APOOL: variants seen among roughly 807,000 people sequenced by gnomAD.
APOOL encodes MICOS complex subunit MIC27.
A neutral mutation model predicts 23.1 loss-of-function variants in APOOL; 12 were observed. That is an observed-to-expected ratio of 0.52 (90% CI 0.33 to 0.84). The LOEUF (loss-of-function observed/expected upper bound fraction) is 0.84. Among genes scored for constraint, APOOL ranks in the 40% least tolerant of loss-of-function variants. APOOL has a pLI of 0.02. For missense variants in APOOL, 212 were observed against 199.6 expected, an observed-to-expected ratio of 1.06 and a Z score of -0.37; for synonymous variants, 77 against 69.9, an observed-to-expected ratio of 1.10 and a Z score of -0.51.
At chrX:85,057,595 G>C (rs28628831) in intron 5 of APOOL, among the ~76,000 whole-genome samples, 3 of 104,503 alleles carry the variant, frequency 2.9e-5, no homozygotes, top group African/African-American at 1.0e-4. Context: ...ATATATATAT[G>C]TCATCTGAAT....
intron 8 of APOOL, among the ~76,000 whole-genome samples, chrX:85,077,997 T>G (rs1277420742): frequency 1.8e-5 from 2 of 111,873 alleles, no homozygotes; most frequent in African/African-American, 6.5e-5. Flanking sequence ...TAACCCTTTG[T>G]CAGATGGGTA....
rs1287743575 is a variant in APOOL at position 85,087,631 on chromosome X, G to C, written c.760G>C (p.Gly254Arg). The C allele has an allele frequency of 1.7e-6, 2 of 1,199,353 alleles. No homozygotes were observed. Among genetic ancestry groups the C allele is most frequent in the Non-Finnish European group, 2.2e-6 (2 of 890,298 alleles). Residue 254 changes from glycine to arginine, a missense_variant, in exon 9 of 9, where the codon GGG becomes CGG. Coordinates refer to ENST00000373173, the MANE Select transcript of APOOL (RefSeq NM_198450.6). ...GCCTGACCCCAAGCTCATGGATCAC[G>C]GGCAGTCCCACCCAGAAGATATAGA... ...FMPDPKLMDH[G>R]QSHPEDIDMY...
intron 6 of APOOL, 105 bp downstream of exon 6, chrX:85,067,323 CAT>C (rs1450078798): frequency 1.7e-5 from 9 of 533,317 alleles, no homozygotes; most frequent in Admixed American, 1.1e-4. Flanking sequence ...TTTTAAGAGA[CAT>C]AGTTGGTATC....
intron 8 of APOOL, among the ~76,000 whole-genome samples, chrX:85,083,301 G>A (rs1000812878): frequency 2.3e-4 from 26 of 111,093 alleles, no homozygotes; most frequent in African/African-American, 7.5e-4. Context: ...CCTAAATATT[G>A]AAGTTAACTG....
intron 1 of APOOL, among the ~76,000 whole-genome samples, chrX:85,027,819 G>T (rs1315560653): frequency 8.9e-6 from 1 of 112,061 alleles, no homozygotes; most frequent in Non-Finnish European, 1.9e-5. Flanking sequence ...AATATTCAGA[G>T]AATTTGCTAA....
intron 5 of APOOL, 61 bp from the exon 6 acceptor site, chrX:85,067,066 A>G: frequency 1.3e-6 from 1 of 745,392 alleles, no homozygotes; most frequent in Non-Finnish European, 2.0e-6. Context: ...ATTACGGTAT[A>G]AGAACATCAA....
chrX:85,014,631 A>G (rs1921404738), intron 1 of APOOL, among the ~76,000 whole-genome samples: 1 of 109,636 alleles, frequency 9.1e-6, no homozygotes, highest in Non-Finnish European at 1.9e-5. Context: ...TTATTTAAGG[A>G]GGTTAAAGAT....
At chrX:85,012,502 C>T (rs184399910) in intron 1 of APOOL, among the ~76,000 whole-genome samples, 2 of 111,056 alleles carry the variant, frequency 1.8e-5, no homozygotes, top group Non-Finnish European at 3.8e-5. Context: ...GCTTTTATTA[C>T]CTTGAGATCT....
In APOOL at chrX:85,016,862, C is replaced by T. The variant is rs773859622; in HGVS notation, c.15+12935C>T. Among the ~76,000 whole-genome samples, 36 of 112,600 alleles carry T rather than the reference C, an allele frequency of 3.2e-4. No individual in the cohort carries two copies. In the South Asian group the frequency reaches 6.2e-3, roughly 19 times the overall value. ...TTTATCCCATGGGGCAATCACCTGACGTGGTGCTCTCCCTCTTCTTAGGAG... is the reference window on the plus strand; with the variant it reads ...TTTATCCCATGGGGCAATCACCTGATGTGGTGCTCTCCCTCTTCTTAGGAG... On this transcript the variant is annotated intron_variant, in intron 1 of 8. Transcript: ENST00000373173.
intron 3 of APOOL, among the ~76,000 whole-genome samples, chrX:85,052,348 G>A (rs760511708): frequency 5.4e-5 from 6 of 111,875 alleles, no homozygotes; most frequent in Non-Finnish European, 9.4e-5. Flanking sequence ...ATATCCATCA[G>A]CAGAGTGGTG....
chrX:85,074,636 A>C (rs1321835907), intron 8 of APOOL, among the ~76,000 whole-genome samples: 4 of 110,378 alleles, frequency 3.6e-5, no homozygotes, highest in African/African-American at 9.9e-5. Context: ...CAGGTTGATT[A>C]GGTGAAGCAT....
chrX:85,063,152 C>T (rs774192305), intron 5 of APOOL, among the ~76,000 whole-genome samples: 1 of 111,227 alleles, frequency 9.0e-6, no homozygotes, highest in East Asian at 2.8e-4. Flanking sequence ...TATGATTTGG[C>T]TCTCTGCTTG....
intron 1 of APOOL, among the ~76,000 whole-genome samples, chrX:85,027,927 G>T (rs1014719649): frequency 8.9e-6 from 1 of 112,089 alleles, no homozygotes; most frequent in Non-Finnish European, 1.9e-5. Context: ...AGTTTGGGCT[G>T]TTGCAAATAA....
intron 8 of APOOL, among the ~76,000 whole-genome samples, chrX:85,077,060 C>T (rs1406763956): frequency 3.1e-5 from 2 of 65,003 alleles, no homozygotes; most frequent in African/African-American, 1.7e-4. Flanking sequence ...TGTATATACA[C>T]GTATATATAT....
In APOOL at chrX:85,087,724, G is replaced by T; in HGVS notation, c.*46G>T. 9.6e-7 allele frequency: 1 copy of T among 1,040,066 alleles called. No homozygotes were observed. Among genetic ancestry groups the T allele is most frequent in the Non-Finnish European group, 1.3e-6 (1 of 772,194 alleles). 85.7% of individuals were successfully genotyped at this position (1,040,066 alleles called of 1,213,427 possible). A position where few individuals can be genotyped will look rare whatever the true frequency, so the allele number is the denominator to read the frequency against. ...TACACAGAAAACTACAAGATGTGTG[G>T]CGTTGCAAATAATGATGAAAATAAA... On this transcript the variant is annotated 3_prime_UTR_variant, in exon 9 of 9. Transcript: ENST00000373173.
At chrX:85,036,607 CA>C (rs1282732642) in intron 1 of APOOL, among the ~76,000 whole-genome samples, 1 of 111,780 alleles carries the variant, frequency 8.9e-6, no homozygotes, top group African/African-American at 3.2e-5. Context: ...ATGAGTTTGT[CA>C]TAGATGGCTA....
chrX:85,041,993 G>A (rs947894804), intron 1 of APOOL, among the ~76,000 whole-genome samples: 1 of 111,179 alleles, frequency 9.0e-6, no homozygotes, highest in Non-Finnish European at 1.9e-5. Context: ...CTCCTTGAGA[G>A]CAGCATACAC....
chrX:85,022,046 A>T (rs1182979347), intron 1 of APOOL, among the ~76,000 whole-genome samples: 1 of 112,325 alleles, frequency 8.9e-6, no homozygotes, highest in Non-Finnish European at 1.9e-5. Context: ...ATTACAAAGA[A>T]ATAGAAAATC....
intron 1 of APOOL, among the ~76,000 whole-genome samples, chrX:85,029,970 G>C (rs181290793): frequency 2.0e-4 from 22 of 111,848 alleles, no homozygotes; most frequent in Admixed American, 1.7e-3. Flanking sequence ...ATAACTAAAA[G>C]TATGTCTACC....
Sources: allele counts gnomAD v4.1 joint callset (sites outside exome capture counted in the v4.1 genomes callset), GRCh38; gene constraint gnomAD v4.1.1; transcripts MANE v1.5; gene names NCBI Gene and HGNC (gene_info 2026-07-23, HGNC 2026-07-21).